The following EYS variants were observed in gnomAD, a reference collection of about 807,000 sequenced individuals.
The protein encoded by EYS is EGF-like photoreceptor maintenance factor.
Under a neutral mutation model 282.1 loss-of-function variants are expected in EYS, and 250 were observed. That is an observed-to-expected ratio of 0.89 (90% CI 0.80 to 0.98). EYS has a LOEUF of 0.98. Ranked by LOEUF, EYS falls within the 50% of genes least tolerant of loss-of-function variation. EYS has a pLI of 0.00. For missense variants in EYS, 4,016 were observed against 3,709.0 expected, an observed-to-expected ratio of 1.08 and a Z score of -2.15; for synonymous variants, 1,355 against 1,282.9, an observed-to-expected ratio of 1.06 and a Z score of -1.20.
intron 2 of EYS, among the ~76,000 whole-genome samples, chr6:65,598,127 CA>C (rs1245958859): frequency 1.3e-5 from 2 of 150,458 alleles, no homozygotes; most frequent in African/African-American, 4.9e-5. Flanking sequence ...ACAAAACAAA[CA>C]AACAAACAAA....
chr6:63,806,012 A>G (rs1399868683), intron 37 of EYS, among the ~76,000 whole-genome samples, 178 bp downstream of exon 37: 1 of 152,206 alleles, frequency 6.6e-6, no homozygotes, highest in Non-Finnish European at 1.5e-5. Flanking sequence ...TTCAGAAAGG[A>G]TCAGGGAACT....
rs954771493 is a variant in EYS, at chr6:64,303,859, A to G, written c.6191+3111T>C. On this transcript the variant is annotated intron_variant, in intron 30 of 42. Coordinates refer to ENST00000503581, the MANE Select transcript of EYS (RefSeq NM_001142800.2). ...CCGTCTCAAAAAAAAAAAAAAAAAA[A>G]AAGCCTCAGGGTAGGGTTACGGCTG... 8.3e-4 allele frequency among the ~76,000 whole-genome samples: 126 copies of G among 151,416 alleles called. 1 individual carries two copies. The highest frequency in any genetic ancestry group is 1.3e-3 in the Non-Finnish European group (91 of 67,804).
chr6:64,537,404 C>A (rs148441682), intron 26 of EYS, among the ~76,000 whole-genome samples: 5,337 of 151,720 alleles, frequency 0.035, 200 homozygotes, highest in East Asian at 0.11. Context: ...ATCCAGTCTA[C>A]CATTGTTGGA....
chr6:65,190,988 A>G (rs929840353), intron 12 of EYS, among the ~76,000 whole-genome samples: 2 of 151,872 alleles, frequency 1.3e-5, no homozygotes, highest in Non-Finnish European at 2.9e-5. Context: ...AAACATTTGC[A>G]TTGAGAAGAA....
At chr6:64,347,477 A>G (rs1771453349) in intron 29 of EYS, among the ~76,000 whole-genome samples, 1 of 151,346 alleles carries the variant, frequency 6.6e-6, no homozygotes, top group African/African-American at 2.4e-5. Flanking sequence ...TATACATATG[A>G]TGTATTAGAT....
rs570023631 is a variant in EYS, at chr6:65,398,186, G to A, written c.1184+4292C>T. On this transcript the variant is annotated intron_variant, in intron 7 of 42. Transcript: ENST00000503581. Reference sequence around the variant, plus strand: ...TTTGATGTATGTTTTCCTTGAAAATGTTTCTCCTATTCTATAGTTTGTCTG... The same window carrying A: ...TTTGATGTATGTTTTCCTTGAAAATATTTCTCCTATTCTATAGTTTGTCTG... Among the ~76,000 whole-genome samples the A allele has an allele frequency of 2.6e-5, 4 of 151,868 alleles. No individual in the cohort carries two copies. In the East Asian group the frequency reaches 7.7e-4, roughly 29 times the overall value.
rs376426296 is a variant in EYS, at chr6:64,801,118, C to G, written c.3443+12260G>C. 2.0e-5 allele frequency among the ~76,000 whole-genome samples: 3 copies of G among 151,920 alleles called. No individual in the cohort carries two copies. In the East Asian group the frequency reaches 5.8e-4, roughly 29 times the overall value. On this transcript the variant is annotated intron_variant, in intron 22 of 42. Transcript: ENST00000503581. ...TACATCCTTACTTTCAAAAGGGCATCACTTCCAGAAAACATCTGAATGTTT... is the reference window on the plus strand; with the variant it reads ...TACATCCTTACTTTCAAAAGGGCATGACTTCCAGAAAACATCTGAATGTTT...
Position 65,329,776 on chromosome 6 carries a change from T to C in EYS, c.1766+5204A>G, listed in dbSNP as rs955003229. 9 of 981,020 alleles carry C rather than the reference T, an allele frequency of 9.2e-6. No homozygotes were observed. The African/African-American group carries it at 1.6e-4, about 17-fold the overall frequency. 60.8% of individuals were successfully genotyped at this position (981,020 alleles called of 1,614,324 possible). A position where few individuals can be genotyped will look rare whatever the true frequency, so the allele number is the denominator to read the frequency against. ...TGGGATCAGAAATAATTTAAGAAAATCCTGGTCAAATTATACTATACTTTT... is the reference window on the plus strand; with the variant it reads ...TGGGATCAGAAATAATTTAAGAAAACCCTGGTCAAATTATACTATACTTTT... On this transcript the variant is annotated intron_variant, in intron 11 of 42. Coordinates refer to ENST00000503581, the MANE Select transcript of EYS (RefSeq NM_001142800.2).
At chr6:65,687,609 G>C (rs1394158392) in intron 1 of EYS, among the ~76,000 whole-genome samples, 1 of 152,054 alleles carries the variant, frequency 6.6e-6, no homozygotes, top group Non-Finnish European at 1.5e-5. Context: ...AGGAAATAAA[G>C]GGCATTCAAT....
intron 29 of EYS, among the ~76,000 whole-genome samples, chr6:64,341,685 T>C (rs542809648): frequency 5.0e-4 from 76 of 151,762 alleles, no homozygotes; most frequent in Admixed American, 8.6e-4. Flanking sequence ...TGAAATTTTT[T>C]AAAAAATGAC....
At chr6:65,072,917 G>A (rs1310245124) in intron 12 of EYS, among the ~76,000 whole-genome samples, 2 of 151,236 alleles carry the variant, frequency 1.3e-5, no homozygotes, top group Admixed American at 6.6e-5. Flanking sequence ...TGAATTAAAA[G>A]ACTCCCTGGA....
chr6:64,775,064 G>A (rs1399526829), intron 22 of EYS, among the ~76,000 whole-genome samples: 1 of 151,948 alleles, frequency 6.6e-6, no homozygotes, highest in East Asian at 1.9e-4. Flanking sequence ...GACAGATAAT[G>A]TAAACAAGTG....
intron 1 of EYS, among the ~76,000 whole-genome samples, chr6:65,645,979 A>C (rs1767437594): frequency 1.3e-5 from 2 of 152,160 alleles, no homozygotes; most frequent in Non-Finnish European, 2.9e-5. Flanking sequence ...TATACCAGGA[A>C]GATAAAGAAA....
chr6:65,317,352 A>G (rs1034620521), intron 11 of EYS, among the ~76,000 whole-genome samples: 12 of 152,306 alleles, frequency 7.9e-5, no homozygotes, highest in African/African-American at 2.9e-4. Flanking sequence ...ATTTAAAGGC[A>G]TGTTTTATTT....
In EYS at chr6:65,377,511, A is replaced by T. The variant is rs184806788; in HGVS notation, c.1299+6875T>A. On this transcript the variant is annotated intron_variant, in intron 8 of 42. Transcript: ENST00000503581. ...AATTCAAAAGCTAGCAGAAGACAAGAAATAAGTAAGATCAGAGCAGAACCG... is the reference window on the plus strand; with the variant it reads ...AATTCAAAAGCTAGCAGAAGACAAGTAATAAGTAAGATCAGAGCAGAACCG... 9.2e-5 allele frequency among the ~76,000 whole-genome samples: 14 copies of T among 152,282 alleles called. 1 individual carries two copies. Among genetic ancestry groups the T allele is most frequent in the African/African-American group, 3.4e-4 (14 of 41,580 alleles).
chr6:63,832,609 G>A (rs1343327931), intron 36 of EYS, among the ~76,000 whole-genome samples: 6 of 152,074 alleles, frequency 3.9e-5, no homozygotes, highest in African/African-American at 7.2e-5. Context: ...AGGACCAGAC[G>A]GATTCACAGC....
intron 12 of EYS, among the ~76,000 whole-genome samples, chr6:65,127,659 T>C (rs1459511819): frequency 6.6e-6 from 1 of 152,076 alleles, no homozygotes; most frequent in Non-Finnish European, 1.5e-5. Context: ...ATATATAAAA[T>C]GAGACTTTTT....
At chr6:64,533,344 T>C (rs1764414070) in intron 26 of EYS, among the ~76,000 whole-genome samples, 1 of 152,182 alleles carries the variant, frequency 6.6e-6, no homozygotes, top group Non-Finnish European at 1.5e-5. Context: ...CATAAATCTA[T>C]AGTTCTGAGA....
At chr6:64,152,610 T>C (rs1427610439) in intron 31 of EYS, among the ~76,000 whole-genome samples, 1 of 152,184 alleles carries the variant, frequency 6.6e-6, no homozygotes, top group East Asian at 1.9e-4. Context: ...GTCAGGGATA[T>C]TATTTTGTTC....
Sources: allele counts gnomAD v4.1 joint callset (sites outside exome capture counted in the v4.1 genomes callset), GRCh38; gene constraint gnomAD v4.1.1; transcripts MANE v1.5; gene names NCBI Gene and HGNC (gene_info 2026-07-23, HGNC 2026-07-21).